Variants in SLC35F3 observed in about 807,000 individuals in gnomAD.
SLC35F3 encodes the protein putative thiamine transporter SLC35F3.
Under a neutral mutation model 49.9 loss-of-function variants are expected in SLC35F3, and 25 were observed. The observed-to-expected ratio is 0.50, with a 90% CI of 0.37 to 0.70. The LOEUF (loss-of-function observed/expected upper bound fraction) is 0.70, where lower values mean the gene tolerates loss of function less well. Among genes scored for constraint, SLC35F3 ranks in the 30% least tolerant of loss-of-function variants. The probability of loss-of-function intolerance (pLI) is 0.00; values close to 1 mark genes in which losing one functional copy is unlikely to be tolerated. For missense variants in SLC35F3, 525 were observed against 639.8 expected (o/e 0.82, Z 1.94); for synonymous variants, 275 against 265.4 (o/e 1.04, Z -0.35).
intron 2 of SLC35F3, among the ~76,000 whole-genome samples, chr1:233,906,728 G>C (rs1252757054): frequency 6.6e-6 from 1 of 151,964 alleles, no homozygotes. Context: ...AGGGGAAAAC[G>C]GGCGTTTGTA....
At chr1:234,003,482 G>A (rs922373116) in intron 2 of SLC35F3, among the ~76,000 whole-genome samples, 3 of 152,070 alleles carry the variant, frequency 2.0e-5, no homozygotes, top group Non-Finnish European at 4.4e-5. Context: ...ACAAAGTTAG[G>A]CTTCTACAAC....
intron 2 of SLC35F3, among the ~76,000 whole-genome samples, chr1:234,185,404 A>C (rs1258665555): frequency 2.0e-5 from 3 of 152,250 alleles, no homozygotes; most frequent in African/African-American, 7.2e-5. Context: ...AGCCCTGCAG[A>C]AAAGTGAATG....
chr1:233,998,273 G>T (rs1009417259), intron 2 of SLC35F3, among the ~76,000 whole-genome samples: 1 of 151,930 alleles, frequency 6.6e-6, no homozygotes, highest in Non-Finnish European at 1.5e-5. Flanking sequence ...GCTTCTCATT[G>T]TTATATGCAT....
At chr1:233,907,000 C>T (rs1193535040) in intron 2 of SLC35F3, among the ~76,000 whole-genome samples, 1 of 152,122 alleles carries the variant, frequency 6.6e-6, no homozygotes, top group Non-Finnish European at 1.5e-5. Context: ...TAGCTTATTA[C>T]AAAAGGAAGA....
At chr1:234,224,969 G>T (rs1667264428) in intron 2 of SLC35F3, among the ~76,000 whole-genome samples, 1 of 152,118 alleles carries the variant, frequency 6.6e-6, no homozygotes, top group African/African-American at 2.4e-5. Context: ...TATAGATTAT[G>T]TTCTTTCCCT....
At chr1:234,019,247 C>A (rs1473226567) in intron 2 of SLC35F3, among the ~76,000 whole-genome samples, 1 of 152,118 alleles carries the variant, frequency 6.6e-6, no homozygotes, top group Non-Finnish European at 1.5e-5. Flanking sequence ...CTCTCCTGAA[C>A]CTTGAGTTGC....
chr1:234,123,574 T>C (rs1335675967), intron 2 of SLC35F3, among the ~76,000 whole-genome samples: 1 of 98,550 alleles, frequency 1.0e-5, no homozygotes, highest in Non-Finnish European at 2.3e-5. Context: ...CATGCCTGGT[T>C]AATTTTTTTT....
chr1:234,140,002 A>AATAATAAATAAAATAAAATAAAAAT, intron 2 of SLC35F3, among the ~76,000 whole-genome samples: 1 of 105,368 alleles, frequency 9.5e-6, no homozygotes, highest in Non-Finnish European at 2.4e-5. Flanking sequence ...AATAAAATAA[A>AATAATAAATAAAATAAAATAAAAAT]GTAAGTGACT....
intron 2 of SLC35F3, among the ~76,000 whole-genome samples, chr1:234,216,755 C>T (rs558583981): frequency 2.6e-5 from 4 of 152,282 alleles, no homozygotes; most frequent in East Asian, 1.9e-4. Context: ...CCTCAGTTTC[C>T]GCAAACGTAA....
At chr1:234,002,599 T>A (rs57102709) in intron 2 of SLC35F3, among the ~76,000 whole-genome samples, 10,071 of 152,180 alleles carry the variant, frequency 0.066, 565 homozygotes, top group East Asian at 0.25. Context: ...CCACTTGACT[T>A]ATACAGTTGA....
intron 2 of SLC35F3, among the ~76,000 whole-genome samples, chr1:234,091,361 C>T (rs1020722922): frequency 6.6e-6 from 1 of 152,180 alleles, no homozygotes; most frequent in East Asian, 1.9e-4. Context: ...AGGTTTTCTC[C>T]TAAAATTTCT....
intron 3 of SLC35F3, among the ~76,000 whole-genome samples, chr1:234,307,372 G>A (rs1381605874): frequency 6.6e-6 from 1 of 152,128 alleles, no homozygotes; most frequent in Non-Finnish European, 1.5e-5. Context: ...TCCACAAAAC[G>A]GTAAGTGTGT....
intron 3 of SLC35F3, among the ~76,000 whole-genome samples, chr1:234,244,114 T>C (rs1667595449): frequency 6.6e-6 from 1 of 152,176 alleles, no homozygotes; most frequent in African/African-American, 2.4e-5. Flanking sequence ...ATTAGTATGA[T>C]CTCCATCTCT....
chr1:233,985,442 C>T (rs577988596), intron 2 of SLC35F3, among the ~76,000 whole-genome samples: 2 of 152,314 alleles, frequency 1.3e-5, no homozygotes, highest in South Asian at 4.1e-4. Context: ...AAGAATCTAT[C>T]AACTGTTTCC....
At chr1:234,185,355 T>C (rs1666627807) in intron 2 of SLC35F3, among the ~76,000 whole-genome samples, 2 of 152,204 alleles carry the variant, frequency 1.3e-5, no homozygotes, top group Non-Finnish European at 2.9e-5. Flanking sequence ...ATTGCTCAGC[T>C]CTTTGCTGGA....
intron 2 of SLC35F3, among the ~76,000 whole-genome samples, chr1:234,216,193 G>A (rs1405332783): frequency 2.0e-5 from 3 of 152,182 alleles, no homozygotes; most frequent in Non-Finnish European, 1.5e-5. Context: ...TTTCTCTGAG[G>A]GAAGCAGGGA....
At chr1:233,990,312 A>T (rs1339114982) in intron 2 of SLC35F3, among the ~76,000 whole-genome samples, 1 of 152,220 alleles carries the variant, frequency 6.6e-6, no homozygotes, top group African/African-American at 2.4e-5. Flanking sequence ...TTAATAAAAC[A>T]CAAAGACTGA....
rs370065652 is a variant in SLC35F3, at chr1:234,189,137, A to G, written c.284-42280A>G. 3.3e-5 allele frequency among the ~76,000 whole-genome samples: 5 copies of G among 152,194 alleles called. 1 individual carries two copies. The East Asian group carries it at 5.8e-4, about 18-fold the overall frequency. On this transcript the variant is annotated intron_variant, in intron 2 of 7. Transcript: ENST00000366618. ...CCAGAAAAATAATTCTGGCAATATG[A>G]CAAAACAAGGTTCTTTAACACCTCA...
chr1:234,003,667 T>C (rs192082898), intron 2 of SLC35F3, among the ~76,000 whole-genome samples: 9 of 152,280 alleles, frequency 5.9e-5, no homozygotes, highest in East Asian at 3.9e-4. Context: ...TACATTAGCA[T>C]TTAAACCTTA....
Sources: gnomAD v4.1 joint callset for allele counts (sites outside exome capture counted in the v4.1 genomes callset) on GRCh38, gnomAD v4.1.1 for gene constraint, MANE v1.5 for transcripts, NCBI Gene and HGNC (gene_info 2026-07-23, HGNC 2026-07-21) for gene names.